DGAT2L6: variants seen among roughly 807,000 people sequenced by gnomAD.
DGAT2L6 encodes the protein diacylglycerol O-acyltransferase 2 like 6.
A neutral mutation model predicts 25.5 loss-of-function variants in DGAT2L6; 22 were observed. The ratio of observed to expected loss-of-function variants is 0.86; its 90% CI spans 0.62 to 1.23. The LOEUF (loss-of-function observed/expected upper bound fraction) is 1.23, where lower values mean the gene tolerates loss of function less well. Ranked by LOEUF, DGAT2L6 falls within the 50% of genes most tolerant of loss-of-function variation. DGAT2L6 has a pLI of 0.00. For missense variants in DGAT2L6, 287 were observed against 253.2 expected, an observed-to-expected ratio of 1.13 and a Z score of -0.91; for synonymous variants, 100 against 94.7, an observed-to-expected ratio of 1.06 and a Z score of -0.32.
In DGAT2L6 at chrX:70,202,031, G is replaced by A. The variant is rs1182286050; in HGVS notation, c.614G>A (p.Arg205His). 7 of 1,202,825 alleles carry A rather than the reference G, an allele frequency of 5.8e-6. No individual in the cohort carries two copies. The highest frequency in any genetic ancestry group is 1.8e-5 in the South Asian group (1 of 54,948). The change falls in exon 5 of 7, where the codon CGT (arginine) becomes CAT (histidine). Residue 205 changes from arginine (R) to histidine (H), a missense_variant. By Grantham distance (29) the Arg-to-His change is conservative. Coordinates refer to ENST00000333026, the MANE Select transcript of DGAT2L6 (RefSeq NM_198512.3). ...PGASTLFLKQRKGFVKMALQT... is the reference protein window; with the variant it reads ...PGASTLFLKQHKGFVKMALQT... ...GCCTCCACTCTCTTCCTCAAGCAGC[G>A]TAAAGGTTTTGTGAAGATGGCACTG...
Position 70,200,570 on chromosome X carries a change from C to T in DGAT2L6, c.472+111C>T, listed in dbSNP as rs905491248. 18 of 717,924 alleles carry T rather than the reference C, an allele frequency of 2.5e-5. No homozygotes were observed. In the Admixed American group the frequency reaches 5.8e-4, roughly 23 times the overall value. 59.2% of individuals were successfully genotyped at this position (717,924 alleles called of 1,213,427 possible). A position where few individuals can be genotyped will look rare whatever the true frequency, so the allele number is the denominator to read the frequency against. On this transcript the variant is annotated intron_variant, in intron 4 of 6. Transcript: ENST00000333026. ...AAGAGTACATGATAGAAAATAAGTC[C>T]AGGACACCCTGGGCCCGTAACAGGA...
chrX:70,205,295 A>G lies in DGAT2L6; in HGVS notation c.*189A>G. 2.1e-6 allele frequency: 1 copy of G among 487,054 alleles called. No homozygotes were observed. The highest frequency in any genetic ancestry group is 3.0e-6 in the Non-Finnish European group (1 of 337,023). 40.1% of individuals were successfully genotyped at this position (487,054 alleles called of 1,213,427 possible). On this transcript the variant is annotated 3_prime_UTR_variant, in exon 7 of 7. Transcript: ENST00000333026. ...TCTCCCAAGTGGCTGAGGCAGGCTT[A>G]GGGGAAAGAACCAGAGGGGCAGGGG...
chrX:70,184,853 C>A (rs761844374), intron 1 of DGAT2L6, among the ~76,000 whole-genome samples: 1 of 110,788 alleles, frequency 9.0e-6, no homozygotes, highest in Admixed American at 9.6e-5. Flanking sequence ...ATCAACTCAG[C>A]TGCGTTGGGC....
rs777156224 is a variant in DGAT2L6 at position 70,201,748 on chromosome X, C to A, written c.473-142C>A. 4.8e-5 allele frequency: 32 copies of A among 670,554 alleles called. No homozygotes were observed. The South Asian group carries it at 1.0e-3, about 21-fold the overall frequency. The allele number at this position is 670,554 out of a possible 1,213,427, so 55.3% of individuals were successfully genotyped here. ...AGGCTAGGGCAGTCATAACCCGGGA[C>A]ACGAAGGTCAGAGACAGAAAGGTGG... is the stretch of plus-strand genomic sequence containing the variant. On this transcript the variant is annotated intron_variant, in intron 4 of 6. Transcript: ENST00000333026.
At chrX:70,186,452 G>A (rs779726404) in intron 1 of DGAT2L6, among the ~76,000 whole-genome samples, 4 of 111,864 alleles carry the variant, frequency 3.6e-5, no homozygotes, top group African/African-American at 1.3e-4. Context: ...CAGAAAGTTG[G>A]AAAGAGAGTA....
chrX:70,192,068 ACT>A (rs753307414), intron 1 of DGAT2L6, among the ~76,000 whole-genome samples: 3 of 110,967 alleles, frequency 2.7e-5, no homozygotes, highest in East Asian at 5.6e-4. Context: ...ACATAGTGAG[ACT>A]CTGTCTCTAC....
At chrX:70,188,927 G>A (rs1188139072) in intron 1 of DGAT2L6, among the ~76,000 whole-genome samples, 1 of 93,472 alleles carries the variant, frequency 1.1e-5, no homozygotes, top group East Asian at 3.4e-4. Context: ...AAATCTCTCA[G>A]CAAACTAGGA....
chrX:70,196,581 G>A (rs1171931785), intron 1 of DGAT2L6, among the ~76,000 whole-genome samples: 1 of 107,624 alleles, frequency 9.3e-6, no homozygotes, highest in Non-Finnish European at 1.9e-5. Flanking sequence ...CATGACATGA[G>A]GTTAGACAAA....
intron 1 of DGAT2L6, among the ~76,000 whole-genome samples, chrX:70,196,503 G>GAAAAAAAAAAAAA (rs1164024384): frequency 6.2e-4 from 44 of 70,547 alleles, no homozygotes; most frequent in African/African-American, 1.5e-3. Flanking sequence ...AAAAAAAAAA[G>GAAAAAAAAAAAAA]AAAGAAAAAA....
At chrX:70,192,891 T>A (rs1216549852) in intron 1 of DGAT2L6, among the ~76,000 whole-genome samples, 3 of 110,457 alleles carry the variant, frequency 2.7e-5, no homozygotes, top group African/African-American at 9.9e-5. Flanking sequence ...AATATAAAGG[T>A]CATAAAAGAC....
At chrX:70,198,418 G>C (rs920939022) in intron 1 of DGAT2L6, among the ~76,000 whole-genome samples, 1 of 111,742 alleles carries the variant, frequency 8.9e-6, no homozygotes, top group African/African-American at 3.3e-5. Flanking sequence ...TGCCCAGGCT[G>C]GTCTCAAACT....
At position 70,177,685 on chromosome X, in the gene DGAT2L6, G is replaced by A. The variant is rs1569427076; in HGVS notation, c.85+18G>A. ...ATTTTTAGGTGAGTGAACCCCAAGG[G>A]CTGGAGAGCACATGGGGAACAAACC... On this transcript the variant is annotated intron_variant, in intron 1 of 6. Transcript: ENST00000333026. 3.4e-6 allele frequency: 4 copies of A among 1,181,227 alleles called. No homozygotes were observed. The highest frequency in any genetic ancestry group is 2.3e-6 in the Non-Finnish European group (2 of 869,396).
intron 1 of DGAT2L6, 49 bp from the exon 2 acceptor site, chrX:70,199,222 C>G (rs1049524179): frequency 1.1e-6 from 1 of 917,474 alleles, no homozygotes; most frequent in Non-Finnish European, 1.5e-6. Context: ...GAGAAGTATA[C>G]TAAAACTTGA....
chrX:70,186,126 C>T (rs924958010), intron 1 of DGAT2L6, among the ~76,000 whole-genome samples: 2 of 112,031 alleles, frequency 1.8e-5, no homozygotes, highest in Non-Finnish European at 3.8e-5. Context: ...TAACTTTCAC[C>T]TGCAACTTGG....
chrX:70,183,242 C>T (rs1046912118), intron 1 of DGAT2L6, among the ~76,000 whole-genome samples: 3 of 112,449 alleles, frequency 2.7e-5, no homozygotes, highest in African/African-American at 9.7e-5. Flanking sequence ...CCTACTCTTC[C>T]CTACGTGATT....
chrX:70,202,113 C>T, intron 5 of DGAT2L6, 49 bp downstream of exon 5: 2 of 1,059,923 alleles, frequency 1.9e-6, no homozygotes, highest in Non-Finnish European at 2.5e-6. Flanking sequence ...CATAGGCCCT[C>T]TGTAGCCCTC....
intron 4 of DGAT2L6, among the ~76,000 whole-genome samples, chrX:70,200,816 C>T (rs905629851): frequency 1.8e-5 from 2 of 111,869 alleles, no homozygotes; most frequent in African/African-American, 3.3e-5. Flanking sequence ...ATAGCTCAGG[C>T]GAACTTCACC....
intron 1 of DGAT2L6, among the ~76,000 whole-genome samples, chrX:70,198,856 C>T (rs778504677): frequency 1.8e-5 from 2 of 112,012 alleles, no homozygotes; most frequent in African/African-American, 6.5e-5. Flanking sequence ...CTGTACACTG[C>T]GGGTAACCTC....
intron 1 of DGAT2L6, 100 bp downstream of exon 1, chrX:70,177,767 TCCACC>T: frequency 1.2e-5 from 9 of 732,509 alleles, no homozygotes; most frequent in Non-Finnish European, 1.4e-5. Context: ...CTGGGTGATC[TCCACC>T]CTCTGGGAAG....
Sources: allele counts gnomAD v4.1 joint callset (sites outside exome capture counted in the v4.1 genomes callset), GRCh38; gene constraint gnomAD v4.1.1; transcripts MANE v1.5; gene names NCBI Gene and HGNC (gene_info 2026-07-23, HGNC 2026-07-21).